Variants in VAV3 observed in about 807,000 individuals in gnomAD.
VAV3 encodes vav guanine nucleotide exchange factor 3.
In VAV3, 94 loss-of-function variants were observed where a neutral mutation model predicts 131.2. The observed-to-expected ratio is 0.72, with a 90% confidence interval of 0.61 to 0.85. The LOEUF is 0.85. Among genes scored for constraint, VAV3 ranks in the 40% least tolerant of loss-of-function variants. The pLI, the probability that VAV3 is intolerant of heterozygous loss-of-function variation, is 0.00. For missense variants in VAV3, 939 were observed against 1,002.7 expected (o/e 0.94, Z 0.86); for synonymous variants, 349 against 342.0 (o/e 1.02, Z -0.22).
chr1:107,636,590 C>A (rs1022714541), intron 20 of VAV3, among the ~76,000 whole-genome samples: 7 of 152,182 alleles, frequency 4.6e-5, no homozygotes, highest in African/African-American at 1.7e-4. Context: ...AATAATACAA[C>A]ACAAAGTTTA....
chr1:107,835,518 T>G (rs1345270539), intron 2 of VAV3, among the ~76,000 whole-genome samples: 1 of 152,168 alleles, frequency 6.6e-6, no homozygotes, highest in Non-Finnish European at 1.5e-5. Context: ...GGGGCTGGTC[T>G]GGGAACAGTG....
At position 107,609,551 on chromosome 1, in the gene VAV3, A is replaced by T. The variant is rs542726072; in HGVS notation, c.2015+380T>A. The T allele has an allele frequency of 5.8e-3, 377 of 65,178 alleles. 1 individual carries two copies. The highest frequency in any genetic ancestry group is 0.016 in the African/African-American group (318 of 19,900). The allele number at this position is 65,178 out of a possible 1,614,324, so 4.0% of individuals were successfully genotyped here. On this transcript the variant is annotated intron_variant, in intron 22 of 26. Coordinates refer to ENST00000370056, the MANE Select transcript of VAV3 (RefSeq NM_006113.5). The stretch of plus-strand genomic sequence containing the variant: ...CCCCATCTCTAAAACTATAAAAAAT[A>T]AAAAAAAAAACTACTACTGTCCTTT...
rs999821281 is a variant in VAV3, at chr1:107,888,015, T to G, written c.205-12998A>C. Reference sequence around the variant, plus strand: ...TCTATCCAAAAATTTGGGGGGGGGGTTATTTTGTAAAGTATCTTTAAGATC... The same window carrying G: ...TCTATCCAAAAATTTGGGGGGGGGGGTATTTTGTAAAGTATCTTTAAGATC... On this transcript the variant is annotated intron_variant, in intron 1 of 26. Transcript: ENST00000370056. Among the ~76,000 whole-genome samples, 254 of 145,616 alleles carry G rather than the reference T, an allele frequency of 1.7e-3. 1 individual carries two copies. Among genetic ancestry groups the G allele is most frequent in the Non-Finnish European group, 2.4e-3 (163 of 67,032 alleles).
chr1:107,732,256 C>T (rs534215987), intron 15 of VAV3, among the ~76,000 whole-genome samples: 16 of 152,266 alleles, frequency 1.1e-4, no homozygotes, highest in South Asian at 2.1e-4. Flanking sequence ...TCAAGATGAC[C>T]GAATAGGAAC....
intron 25 of VAV3, among the ~76,000 whole-genome samples, chr1:107,579,242 A>C (rs1293078935): frequency 6.6e-6 from 1 of 152,216 alleles, no homozygotes; most frequent in African/African-American, 2.4e-5. Context: ...TCTTCACTTA[A>C]ACTAATGTTT....
chr1:107,917,666 A>G (rs1193988501), intron 1 of VAV3, among the ~76,000 whole-genome samples: 1 of 152,228 alleles, frequency 6.6e-6, no homozygotes, highest in Admixed American at 6.5e-5. Context: ...CCCAGCAGAC[A>G]GTCAAAAATG....
At chr1:107,934,472 G>A (rs1201275032) in intron 1 of VAV3, among the ~76,000 whole-genome samples, 1 of 152,160 alleles carries the variant, frequency 6.6e-6, no homozygotes, top group African/African-American at 2.4e-5. Flanking sequence ...TTCATATGTG[G>A]AATTGTTTTT....
chr1:107,620,143 CTCAG>C (rs1653457600), intron 20 of VAV3, among the ~76,000 whole-genome samples: 1 of 152,178 alleles, frequency 6.6e-6, no homozygotes, highest in African/African-American at 2.4e-5. Context: ...GGGATAATCT[CTCAG>C]TCATTTTTGT....
intron 25 of VAV3, among the ~76,000 whole-genome samples, chr1:107,594,535 G>A (rs969149504): frequency 3.3e-5 from 5 of 152,038 alleles, no homozygotes; most frequent in African/African-American, 1.2e-4. Context: ...TTTATTTGCT[G>A]AAAAATTTAT....
chr1:107,903,369 G>A (rs980512830), intron 1 of VAV3, among the ~76,000 whole-genome samples: 5 of 152,022 alleles, frequency 3.3e-5, no homozygotes, highest in African/African-American at 1.2e-4. Context: ...CCAGAAATGC[G>A]CTACTCAATC....
chr1:107,576,974 A>T (rs1428234170), intron 25 of VAV3, among the ~76,000 whole-genome samples: 1 of 152,134 alleles, frequency 6.6e-6, no homozygotes, highest in East Asian at 1.9e-4. Context: ...TCAAAAGGAG[A>T]AAAGTGCAGT....
chr1:107,611,769 C>A (rs183037159), intron 21 of VAV3, among the ~76,000 whole-genome samples: 17 of 152,258 alleles, frequency 1.1e-4, no homozygotes, highest in Non-Finnish European at 4.4e-5. Flanking sequence ...GGCTGTTCCA[C>A]CCTGGTGTCC....
At position 107,705,050 on chromosome 1, in the gene VAV3, C is replaced by A; in HGVS notation, c.1514G>T (p.Arg505Ile). ...GAAATTGGAGTCTGCATAGTCTGGT[C>A]TTATGTTAGACCTAAAAAAAGGAAA... ...EQFEMALSNI[R>I]PDYADSNFHD... The change falls in exon 16 of 27, where the codon AGA becomes ATA. Residue 505 changes from arginine (R) to isoleucine (I), a missense_variant. Arg to Ile is a moderately conservative substitution (Grantham distance 97). Transcript: ENST00000370056. 6.2e-7 allele frequency: 1 copy of A among 1,609,766 alleles called. No homozygotes were observed. The highest frequency in any genetic ancestry group is 8.5e-7 in the Non-Finnish European group (1 of 1,176,778).
At chr1:107,706,063 A>T (rs1428199316) in intron 15 of VAV3, among the ~76,000 whole-genome samples, 4 of 152,160 alleles carry the variant, frequency 2.6e-5, no homozygotes, top group Non-Finnish European at 5.9e-5. Context: ...ATTATTTTTG[A>T]TGGCAAAAGA....
intron 2 of VAV3, among the ~76,000 whole-genome samples, chr1:107,797,674 C>T (rs777103950): frequency 7.9e-5 from 12 of 152,136 alleles, no homozygotes; most frequent in Admixed American, 6.5e-5. Context: ...AAAATCTCAG[C>T]TCTTAAGAAA....
intron 9 of VAV3, among the ~76,000 whole-genome samples, chr1:107,763,827 A>G (rs1458539658): frequency 6.6e-6 from 1 of 152,226 alleles, no homozygotes; most frequent in Non-Finnish European, 1.5e-5. Flanking sequence ...GAGGCAAAAC[A>G]GTGAAGGGCT....
intron 1 of VAV3, among the ~76,000 whole-genome samples, chr1:107,912,519 T>C (rs1672420884): frequency 6.6e-6 from 1 of 152,188 alleles, no homozygotes. Context: ...ACCCCAGGAC[T>C]CTGGCCTGCT....
chr1:107,839,151 T>C (rs76540593), intron 2 of VAV3, among the ~76,000 whole-genome samples: 145 of 152,292 alleles, frequency 9.5e-4, no homozygotes, highest in African/African-American at 3.3e-3. Flanking sequence ...GTCAAATGCA[T>C]AAGTTAGCAT....
chr1:107,933,832 A>AC (rs1206746460), intron 1 of VAV3, among the ~76,000 whole-genome samples: 9 of 151,822 alleles, frequency 5.9e-5, no homozygotes, highest in Admixed American at 3.9e-4. Context: ...AAAAAAAAAA[A>AC]ATTAAATCTC....
Sources: allele counts gnomAD v4.1 joint callset (sites outside exome capture counted in the v4.1 genomes callset), GRCh38; gene constraint gnomAD v4.1.1; transcripts MANE v1.5; gene names NCBI Gene and HGNC (gene_info 2026-07-23, HGNC 2026-07-21).